Variants in MTHFD1L observed in about 807,000 individuals in gnomAD.
MTHFD1L encodes the protein methylenetetrahydrofolate dehydrogenase (NADP+ dependent) 1 like, also known as monofunctional C1-tetrahydrofolate synthase, mitochondrial.
MTHFD1L carries 81 observed loss-of-function variants against 119.5 expected under a neutral mutation model. That is an observed-to-expected ratio of 0.68 (90% CI 0.57 to 0.82). The LOEUF is 0.82. MTHFD1L is among the 40% of genes least tolerant of loss of function. MTHFD1L has a pLI of 0.00. For missense variants in MTHFD1L, 1,125 were observed against 1,253.4 expected, an observed-to-expected ratio of 0.90 and a Z score of 1.55; for synonymous variants, 430 against 475.2, an observed-to-expected ratio of 0.90 and a Z score of 1.24.
chr6:150,887,602 T>G (rs1782528954), intron 6 of MTHFD1L, among the ~76,000 whole-genome samples: 2 of 152,158 alleles, frequency 1.3e-5, no homozygotes, highest in Admixed American at 6.6e-5. Context: ...ATTATAGGCA[T>G]GTGCCATGAC....
rs539027706 is a variant in MTHFD1L at position 151,087,378 on chromosome 6, C to T, written c.2848-5089C>T. On this transcript the variant is annotated intron_variant, in intron 26 of 27. Transcript: ENST00000367321. ...AACAACACGCTGTATATCAGCCATC[C>T]ATCAGAGAAGGAAAGAAATATGTAG... is the stretch of plus-strand genomic sequence containing the variant. Among the ~76,000 whole-genome samples, 7 of 152,066 alleles carry T rather than the reference C, an allele frequency of 4.6e-5. No individual in the cohort carries two copies. In the South Asian group the frequency reaches 1.2e-3, roughly 27 times the overall value.
At chr6:150,899,581 G>C (rs1290360742) in intron 7 of MTHFD1L, among the ~76,000 whole-genome samples, 16 of 152,142 alleles carry the variant, frequency 1.1e-4, no homozygotes, top group Non-Finnish European at 2.1e-4. Context: ...TAATACTGCA[G>C]GGGAAAGGTA....
At chr6:151,012,086 A>C (rs1401418390) in intron 21 of MTHFD1L, among the ~76,000 whole-genome samples, 4 of 148,598 alleles carry the variant, frequency 2.7e-5, no homozygotes, top group Non-Finnish European at 5.9e-5. Context: ...GAAGCTAGGC[A>C]TCCCTCTCCT....
At chr6:151,047,505 A>T (rs1788277435) in intron 26 of MTHFD1L, among the ~76,000 whole-genome samples, 1 of 152,208 alleles carries the variant, frequency 6.6e-6, no homozygotes, top group Non-Finnish European at 1.5e-5. Context: ...GTATAACTGC[A>T]TGACTAACCC....
chr6:150,980,642 CT>C (rs1422597680), intron 20 of MTHFD1L, among the ~76,000 whole-genome samples: 2 of 148,164 alleles, frequency 1.3e-5, no homozygotes, highest in Non-Finnish European at 3.0e-5. Flanking sequence ...ACTTGGGAGT[CT>C]GAGGCAGGAG....
intron 26 of MTHFD1L, among the ~76,000 whole-genome samples, chr6:151,054,291 A>T (rs1341636437): frequency 6.6e-6 from 1 of 152,232 alleles, no homozygotes; most frequent in Non-Finnish European, 1.5e-5. Flanking sequence ...AATAAAGTTA[A>T]GTTTATGAAT....
chr6:150,971,903 CTGTT>C (rs1407936163), intron 19 of MTHFD1L, 40 bp from the exon 20 acceptor site: 2 of 1,559,894 alleles, frequency 1.3e-6, no homozygotes, highest in Non-Finnish European at 1.8e-6. Flanking sequence ...TTCCATGCTT[CTGTT>C]TGTCTTTTGG....
intron 16 of MTHFD1L, among the ~76,000 whole-genome samples, 188 bp from the exon 17 acceptor site, chr6:150,955,807 G>T (rs1338907307): frequency 1.3e-5 from 2 of 151,990 alleles, no homozygotes; most frequent in Non-Finnish European, 2.9e-5. Flanking sequence ...GCCTCTAGTG[G>T]ATTTTTTTGT....
At chr6:151,059,188 GGT>G in intron 26 of MTHFD1L, among the ~76,000 whole-genome samples, 1 of 96,796 alleles carries the variant, frequency 1.0e-5, no homozygotes, top group Non-Finnish European at 3.0e-5. Context: ...GTTCTAAACT[GGT>G]GGTGGTGGTG....
chr6:151,077,477 T>C (rs1198614884), intron 26 of MTHFD1L, among the ~76,000 whole-genome samples: 1 of 152,040 alleles, frequency 6.6e-6, no homozygotes, highest in Non-Finnish European at 1.5e-5. Flanking sequence ...ACCCCATCTC[T>C]ATTAATAGTA....
At chr6:151,022,438 A>G (rs1784066479) in intron 24 of MTHFD1L, 2 of 181,914 alleles carry the variant, frequency 1.1e-5, no homozygotes, top group Admixed American at 1.1e-4. Context: ...TTTCCCCTTT[A>G]ATCGCTTTTA....
At chr6:150,872,673 G>A (rs1391116658) in intron 1 of MTHFD1L, among the ~76,000 whole-genome samples, 1 of 152,144 alleles carries the variant, frequency 6.6e-6, no homozygotes, top group African/African-American at 2.4e-5. Context: ...TTGAGCAGAT[G>A]CCATTGGAAA....
chr6:150,928,271 T>G (rs568261546), intron 11 of MTHFD1L, among the ~76,000 whole-genome samples: 2 of 151,568 alleles, frequency 1.3e-5, no homozygotes, highest in Non-Finnish European at 2.9e-5. Flanking sequence ...CCGTCTCTAC[T>G]AAAAATACCA....
intron 24 of MTHFD1L, 75 bp from the exon 25 acceptor site, chr6:151,034,418 A>G: frequency 1.0e-6 from 1 of 988,138 alleles, no homozygotes; most frequent in East Asian, 2.4e-5. Context: ...ATTACAGAAC[A>G]TCTCACTAAA....
chr6:151,086,397 A>G (rs1793809883), intron 26 of MTHFD1L, among the ~76,000 whole-genome samples: 1 of 152,158 alleles, frequency 6.6e-6, no homozygotes, highest in Non-Finnish European at 1.5e-5. Flanking sequence ...TGGCCATTTG[A>G]TATAAACAAT....
intron 24 of MTHFD1L, among the ~76,000 whole-genome samples, chr6:151,019,577 G>A (rs965503608): frequency 6.6e-6 from 1 of 152,172 alleles, no homozygotes. Context: ...CTCAAGGCCA[G>A]GATCCCTGCC....
Position 151,015,548 on chromosome 6 carries a change from G to C in MTHFD1L, c.2441G>C (p.Cys814Ser). The change falls in exon 24 of 28, where the codon TGT (cysteine) becomes TCT (serine). Residue 814 changes from cysteine (C) to serine (S), a missense_variant. Physicochemically the swap from Cys to Ser is moderately radical, Grantham distance 112. This residue lies in a region of MTHFD1L where 1,058 missense variants were observed against 1,151.2 expected (regional missense o/e 0.92). Transcript: ENST00000367321. ...TDTRAEIDLV[C>S]ELAKRAGAFD... ...ACCCGCGCTGAGATTGACTTGGTGTGTGAGCTTGCAAAGCGGGCTGGTGCC... is the reference window on the plus strand; with the variant it reads ...ACCCGCGCTGAGATTGACTTGGTGTCTGAGCTTGCAAAGCGGGCTGGTGCC... The C allele has an allele frequency of 6.2e-7, 1 of 1,614,030 alleles. No homozygotes were observed. Among genetic ancestry groups the C allele is most frequent in the Non-Finnish European group, 8.5e-7 (1 of 1,179,986 alleles).
intron 7 of MTHFD1L, among the ~76,000 whole-genome samples, chr6:150,897,056 G>A (rs550505761): frequency 6.6e-6 from 1 of 152,250 alleles, no homozygotes; most frequent in South Asian, 2.1e-4. Context: ...GGTGGAGCTT[G>A]CAGTGAGCCG....
intron 13 of MTHFD1L, 101 bp from the exon 14 acceptor site, chr6:150,944,385 A>G (rs1793612948): frequency 2.1e-5 from 17 of 818,908 alleles, no homozygotes; most frequent in Non-Finnish European, 3.2e-5. Flanking sequence ...GAGTTTGAGA[A>G]TACAGTGAGC....
Sources: allele counts gnomAD v4.1 joint callset (sites outside exome capture counted in the v4.1 genomes callset), GRCh38; gene constraint gnomAD v4.1.1; regional missense constraint gnomAD v4.1.1; transcripts MANE v1.5; gene names NCBI Gene and HGNC (gene_info 2026-07-23, HGNC 2026-07-21).